The following GRIK4 variants were observed in gnomAD, a reference collection of about 807,000 sequenced individuals.
GRIK4 encodes the protein glutamate receptor ionotropic, kainate 4.
GRIK4 carries 40 observed loss-of-function variants against 104.9 expected under a neutral mutation model. That is an observed-to-expected ratio of 0.38 (90% confidence interval 0.30 to 0.50). The LOEUF (loss-of-function observed/expected upper bound fraction) is 0.50. Ranked by LOEUF, GRIK4 falls within the 20% of genes least tolerant of loss-of-function variation. The pLI is 0.93. For synonymous variants in GRIK4, 485 were observed against 524.9 expected, an observed-to-expected ratio of 0.92 and a Z score of 1.04; for missense variants, 1,047 against 1,308.1, an observed-to-expected ratio of 0.80 and a Z score of 3.08.
At chr11:120,873,968 T>C in intron 9 of GRIK4, 98 bp from the exon 10 acceptor site, 1 of 1,134,570 alleles carries the variant, frequency 8.8e-7, no homozygotes, top group Non-Finnish European at 1.3e-6. Flanking sequence ...TTTTGCTTTC[T>C]CTTTTCTTCC....
intron 1 of GRIK4, among the ~76,000 whole-genome samples, chr11:120,576,210 A>G (rs118074629): frequency 4.1e-4 from 62 of 152,318 alleles, no homozygotes; most frequent in Non-Finnish European, 6.8e-4. Flanking sequence ...AGTTGATTCC[A>G]GTGGTCGAGG....
chr11:120,754,092 C>A (rs904198633), intron 3 of GRIK4, among the ~76,000 whole-genome samples: 13 of 152,072 alleles, frequency 8.5e-5, no homozygotes, highest in Admixed American at 8.5e-4. Context: ...AATGCAGTGG[C>A]GTGACTTGAC....
chr11:120,709,009 A>G (rs1038021835), intron 3 of GRIK4, among the ~76,000 whole-genome samples: 2 of 152,088 alleles, frequency 1.3e-5, no homozygotes, highest in African/African-American at 4.8e-5. Flanking sequence ...CTTGGGGACA[A>G]ACTGTATGGA....
At chr11:120,747,260 A>G (rs928746165) in intron 3 of GRIK4, among the ~76,000 whole-genome samples, 19 of 152,220 alleles carry the variant, frequency 1.2e-4, no homozygotes, top group African/African-American at 4.1e-4. Context: ...TCCTCAGCAC[A>G]TCCTATTAAT....
chr11:120,658,922 G>C (rs531310860), intron 2 of GRIK4, among the ~76,000 whole-genome samples: 1 of 151,700 alleles, frequency 6.6e-6, no homozygotes, highest in South Asian at 2.1e-4. Flanking sequence ...CTAATTTTTT[G>C]TATTTTTAGT....
chr11:120,940,519 A>G lies in GRIK4; in HGVS notation c.1590+59A>G. ...TAAAGTTATTTGCATGCAAACACTG[A>G]GTTATACGGGAATAATGAATGACTC... On this transcript the variant is annotated intron_variant, in intron 14 of 20. Transcript: ENST00000527524. The surrounding 1 kb of genome is among the most constrained non-coding windows in gnomAD (Gnocchi z 4.3). The G allele has an allele frequency of 2.2e-6, 2 of 911,812 alleles. No homozygotes were observed. The highest frequency in any genetic ancestry group is 3.6e-6 in the Non-Finnish European group (2 of 557,216). The allele number at this position is 911,812 out of a possible 1,614,324, so 56.5% of individuals were successfully genotyped here.
intron 3 of GRIK4, among the ~76,000 whole-genome samples, chr11:120,761,804 CTA>C (rs201498874): frequency 0.049 from 7,525 of 152,188 alleles, 359 homozygotes; most frequent in African/African-American, 0.12. Flanking sequence ...TTCCATTCGT[CTA>C]TATATCTGTT....
intron 3 of GRIK4, among the ~76,000 whole-genome samples, chr11:120,712,165 C>G (rs1337212689): frequency 6.6e-6 from 1 of 152,164 alleles, no homozygotes; most frequent in African/African-American, 2.4e-5. Context: ...GCTAAGGGAA[C>G]CTGGGGTGCA....
At chr11:120,562,383 G>A (rs187986837) in intron 1 of GRIK4, among the ~76,000 whole-genome samples, 3 of 152,340 alleles carry the variant, frequency 2.0e-5, no homozygotes, top group Admixed American at 2.0e-4. Flanking sequence ...GTCTAGTGAA[G>A]GAGCAGGTAA....
intron 19 of GRIK4, among the ~76,000 whole-genome samples, chr11:120,973,877 C>T (rs934346097): frequency 1.4e-4 from 21 of 151,692 alleles, no homozygotes; most frequent in Non-Finnish European, 2.6e-4. Flanking sequence ...TGGAAAAACA[C>T]GACCAACATG....
At chr11:120,589,002 G>C (rs1948703555) in intron 1 of GRIK4, among the ~76,000 whole-genome samples, 1 of 152,148 alleles carries the variant, frequency 6.6e-6, no homozygotes, top group South Asian at 2.1e-4. Context: ...TAACGAGGAG[G>C]CTTTATGAGC....
At chr11:120,742,850 A>G (rs1951360884) in intron 3 of GRIK4, among the ~76,000 whole-genome samples, 1 of 152,204 alleles carries the variant, frequency 6.6e-6, no homozygotes, top group South Asian at 2.1e-4. Flanking sequence ...TACAGCAAAG[A>G]CATGGGATCA....
At position 120,513,058 on chromosome 11, in the gene GRIK4, G is replaced by T. The variant is rs1029349752; in HGVS notation, c.-159+1171G>T. ...TGATGCCACGCGGTGCCACCTCCCT[G>T]CCTCCCTCCAGTGGCTCTCCTGGGC... On this transcript the variant is annotated intron_variant, in intron 1 of 20. Transcript: ENST00000527524. This position sits in a 1 kb window ranked among gnomAD's most constrained non-coding sequence, Gnocchi z 4.5. Among the ~76,000 whole-genome samples, 1 of 152,142 alleles carries T rather than the reference G, an allele frequency of 6.6e-6. No homozygotes were observed. The highest frequency in any genetic ancestry group is 2.4e-5 in the African/African-American group (1 of 41,440).
chr11:120,517,331 C>T (rs1286741560), intron 1 of GRIK4, among the ~76,000 whole-genome samples: 1 of 149,230 alleles, frequency 6.7e-6, no homozygotes, highest in Admixed American at 6.6e-5. Flanking sequence ...GGCTGTGTGG[C>T]CTTAGGCTTC....
intron 3 of GRIK4, among the ~76,000 whole-genome samples, chr11:120,736,748 T>C (rs1245431635): frequency 2.0e-5 from 3 of 151,714 alleles, no homozygotes; most frequent in Non-Finnish European, 4.4e-5. Context: ...TTTGAATTTT[T>C]AATTACATAT....
intron 1 of GRIK4, among the ~76,000 whole-genome samples, chr11:120,615,056 T>C (rs1297649389): frequency 6.6e-6 from 1 of 152,186 alleles, no homozygotes; most frequent in Non-Finnish European, 1.5e-5. Context: ...TAAGCAAATA[T>C]GCATTCATCG....
At position 120,940,811 on chromosome 11, in the gene GRIK4, T is replaced by G. The variant is rs1362182325; in HGVS notation, c.1590+351T>G. ...TCACCCTAGCATTTCTCAAGCACGT[T>G]GCCAACTTCCAAGTCTGTGTTCACT... On this transcript the variant is annotated intron_variant, in intron 14 of 20. Coordinates refer to ENST00000527524, the MANE Select transcript of GRIK4 (RefSeq NM_014619.5). The surrounding 1 kb of genome is among the most constrained non-coding windows in gnomAD (Gnocchi z 4.3). Among the ~76,000 whole-genome samples, 1 of 152,226 alleles carries G rather than the reference T, an allele frequency of 6.6e-6. No homozygotes were observed. The highest frequency in any genetic ancestry group is 2.4e-5 in the African/African-American group (1 of 41,462).
intron 3 of GRIK4, among the ~76,000 whole-genome samples, chr11:120,708,649 G>T (rs546899203): frequency 6.6e-6 from 1 of 152,344 alleles, no homozygotes; most frequent in South Asian, 2.1e-4. Flanking sequence ...AGAGGCAGCT[G>T]CTGGTTCCAG....
At position 120,832,041 on chromosome 11, in the gene GRIK4, C is replaced by T. The variant is rs763044858; in HGVS notation, c.690+11C>T. 6.3e-7 allele frequency: 1 copy of T among 1,585,522 alleles called. No individual in the cohort carries two copies. The highest frequency in any genetic ancestry group is 1.7e-5 in the Admixed American group (1 of 59,472). Reference sequence around the variant, plus strand: ...ACCATCCTCCTGAAGGTGGGAGCCTCCCTCTCTCCCCCACCCCCTGCTGAG... The same window carrying T: ...ACCATCCTCCTGAAGGTGGGAGCCTTCCTCTCTCCCCCACCCCCTGCTGAG... On this transcript the variant is annotated intron_variant, in intron 7 of 20. Coordinates refer to ENST00000527524, the MANE Select transcript of GRIK4 (RefSeq NM_014619.5).
Sources: gnomAD v4.1 joint callset for allele counts (sites outside exome capture counted in the v4.1 genomes callset) on GRCh38, gnomAD v4.1.1 for gene constraint, Gnocchi (gnomAD v3.1) non-coding constraint, MANE v1.5 for transcripts, NCBI Gene and HGNC (gene_info 2026-07-23, HGNC 2026-07-21) for gene names.